The following GRID2 variants were observed in gnomAD, a reference collection of about 807,000 sequenced individuals.
The protein encoded by GRID2 is glutamate ionotropic receptor delta type subunit 2.
In GRID2, 33 loss-of-function variants were observed where a neutral mutation model predicts 114.8. The observed-to-expected ratio is 0.29, with a 90% CI of 0.22 to 0.38. The LOEUF (loss-of-function observed/expected upper bound fraction) is 0.38. Among genes scored for constraint, GRID2 ranks in the 10% least tolerant of loss-of-function variants. GRID2 has a pLI of 1.00. For synonymous variants in GRID2, 505 were observed against 449.9 expected (o/e 1.12, Z -1.55); for missense variants, 1,184 against 1,257.7 (o/e 0.94, Z 0.89).
At chr4:93,353,032 G>T (rs1401741612) in intron 8 of GRID2, among the ~76,000 whole-genome samples, 1 of 151,984 alleles carries the variant, frequency 6.6e-6, no homozygotes, top group African/African-American at 2.4e-5. Flanking sequence ...ATTGTGTCTG[G>T]GTGAGATTCA....
intron 1 of GRID2, among the ~76,000 whole-genome samples, chr4:92,316,013 A>AG (rs1437581798): frequency 1.3e-5 from 2 of 150,576 alleles, no homozygotes; most frequent in African/African-American, 4.9e-5. Context: ...AAAAAAAAAA[A>AG]AGAAAAGAGA....
chr4:92,575,038 T>C (rs963752511), intron 1 of GRID2, among the ~76,000 whole-genome samples: 8 of 152,214 alleles, frequency 5.3e-5, no homozygotes, highest in Admixed American at 5.2e-4. Flanking sequence ...TATTCTTGTC[T>C]GACTCTCTTA....
At chr4:93,550,593 G>T (rs1733662285) in intron 13 of GRID2, among the ~76,000 whole-genome samples, 1 of 152,162 alleles carries the variant, frequency 6.6e-6, no homozygotes, top group South Asian at 2.1e-4. Flanking sequence ...AAGACTATTA[G>T]ATGCCTGCAT....
intron 5 of GRID2, among the ~76,000 whole-genome samples, chr4:93,212,864 C>T (rs943296479): frequency 2.6e-5 from 4 of 151,904 alleles, no homozygotes; most frequent in African/African-American, 9.7e-5. Flanking sequence ...CCTCTTCCTC[C>T]TGGGTTCAAG....
intron 1 of GRID2, among the ~76,000 whole-genome samples, chr4:92,564,247 G>T (rs992782404): frequency 6.6e-6 from 1 of 151,836 alleles, no homozygotes; most frequent in Admixed American, 6.6e-5. Context: ...TTTTAAATAA[G>T]GCTAACTTAT....
intron 8 of GRID2, among the ~76,000 whole-genome samples, chr4:93,365,254 C>T (rs558713376): frequency 2.8e-4 from 42 of 152,178 alleles, no homozygotes; most frequent in Admixed American, 2.0e-3. Flanking sequence ...ATAAACCATC[C>T]AGGCCCAATC....
intron 13 of GRID2, among the ~76,000 whole-genome samples, chr4:93,602,074 T>C (rs1289493547): frequency 6.6e-6 from 1 of 152,216 alleles, no homozygotes. Flanking sequence ...ACTGCCATGC[T>C]CAGCGAGTGA....
chr4:93,440,610 A>G (rs1433433765), intron 10 of GRID2, among the ~76,000 whole-genome samples: 1 of 152,180 alleles, frequency 6.6e-6, no homozygotes, highest in Non-Finnish European at 1.5e-5. Context: ...ATGGGAGATC[A>G]TACAACCTGT....
intron 1 of GRID2, among the ~76,000 whole-genome samples, chr4:92,394,943 G>A (rs1348356264): frequency 1.3e-5 from 2 of 151,554 alleles, no homozygotes; most frequent in East Asian, 3.9e-4. Context: ...TGACTTTTCA[G>A]TTGTTCATTC....
At chr4:92,478,698 C>A (rs368527644) in intron 1 of GRID2, among the ~76,000 whole-genome samples, 4 of 152,060 alleles carry the variant, frequency 2.6e-5, no homozygotes, top group African/African-American at 9.7e-5. Flanking sequence ...AAATGGCTTA[C>A]CTTGGACACA....
At chr4:92,542,098 T>G (rs1474145400) in intron 1 of GRID2, among the ~76,000 whole-genome samples, 1 of 152,150 alleles carries the variant, frequency 6.6e-6, no homozygotes, top group Non-Finnish European at 1.5e-5. Flanking sequence ...GAAAATGTAG[T>G]TCCCAAATGC....
intron 1 of GRID2, among the ~76,000 whole-genome samples, chr4:92,527,977 A>G (rs1009658324): frequency 1.3e-5 from 2 of 152,044 alleles, no homozygotes; most frequent in African/African-American, 4.8e-5. Context: ...AAATAGTGAC[A>G]GTAATAATGC....
intron 8 of GRID2, among the ~76,000 whole-genome samples, chr4:93,277,485 A>C (rs1330571681): frequency 6.6e-6 from 1 of 151,856 alleles, no homozygotes; most frequent in Non-Finnish European, 1.5e-5. Context: ...GTCTTTAATA[A>C]TATCTCTGTG....
At position 93,684,901 on chromosome 4, in the gene GRID2, A is replaced by G. The variant is rs1725937400; in HGVS notation, c.2360+58466A>G. Among the ~76,000 whole-genome samples the G allele has an allele frequency of 2.0e-5, 3 of 152,142 alleles. No individual in the cohort carries two copies. The South Asian group carries it at 6.2e-4, about 32-fold the overall frequency. ...CAAAACTCTTTATCATAACATATTT[A>G]GAAATAGATTTAAAATCTGTAGGAT... On this transcript the variant is annotated intron_variant, in intron 14 of 15. Transcript: ENST00000282020.
chr4:92,956,301 G>C (rs1752405549), intron 2 of GRID2, among the ~76,000 whole-genome samples: 1 of 152,096 alleles, frequency 6.6e-6, no homozygotes, highest in South Asian at 2.1e-4. Flanking sequence ...TATGGGCTTG[G>C]ACACATTTTT....
chr4:93,526,230 C>T (rs906882395), intron 13 of GRID2, among the ~76,000 whole-genome samples: 2 of 152,078 alleles, frequency 1.3e-5, no homozygotes, highest in Middle Eastern at 3.2e-3. Context: ...GTGATATTTC[C>T]TCGATTTCAC....
At chr4:92,779,666 G>C (rs901604136) in intron 2 of GRID2, among the ~76,000 whole-genome samples, 3 of 152,028 alleles carry the variant, frequency 2.0e-5, no homozygotes, top group South Asian at 2.1e-4. Flanking sequence ...ATAAGGAATG[G>C]GAGAAGGGCA....
intron 8 of GRID2, among the ~76,000 whole-genome samples, chr4:93,358,302 G>A (rs1229889991): frequency 6.6e-6 from 1 of 151,574 alleles, no homozygotes; most frequent in Non-Finnish European, 1.5e-5. Flanking sequence ...CTCTTTTCTT[G>A]TTCCTGATTT....
At chr4:93,272,333 A>G (rs192762582) in intron 8 of GRID2, among the ~76,000 whole-genome samples, 6 of 152,344 alleles carry the variant, frequency 3.9e-5, no homozygotes, top group Admixed American at 2.0e-4. Flanking sequence ...ATGGCATGTT[A>G]AGACAGACAA....
Sources: gnomAD v4.1 joint callset for allele counts (sites outside exome capture counted in the v4.1 genomes callset) on GRCh38, gnomAD v4.1.1 for gene constraint, MANE v1.5 for transcripts, NCBI Gene and HGNC (gene_info 2026-07-23, HGNC 2026-07-21) for gene names.